ABHD12: variants seen among roughly 807,000 people sequenced by gnomAD.
The protein encoded by ABHD12 is lysophosphatidylserine lipase ABHD12.
A neutral mutation model predicts 58.3 loss-of-function variants in ABHD12; 43 were observed. The observed-to-expected ratio is 0.74, with a 90% CI of 0.58 to 0.95. The LOEUF is 0.95. Ranked by LOEUF, ABHD12 falls within the 40% of genes least tolerant of loss-of-function variation. The pLI, the probability that ABHD12 is intolerant of heterozygous loss-of-function variation, is 0.00. For synonymous variants in ABHD12, 219 were observed against 211.2 expected, an observed-to-expected ratio of 1.04 and a Z score of -0.32; for missense variants, 539 against 537.2, an observed-to-expected ratio of 1.00 and a Z score of -0.03.
At chr20:25,331,999 A>T (rs1367089029) in intron 2 of ABHD12, among the ~76,000 whole-genome samples, 1 of 152,208 alleles carries the variant, frequency 6.6e-6, no homozygotes, top group African/African-American at 2.4e-5. Context: ...CAATTAAAAG[A>T]CACAGACTGG....
downstream of ABHD12, chr20:25,296,777 A>G: frequency 2.0e-6 from 1 of 488,140 alleles, no homozygotes; most frequent in Non-Finnish European, 3.6e-6. Context: ...CTGCAGCTTC[A>G]GCACCTGCCC....
At chr20:25,329,207 G>C (rs1054656888) in intron 2 of ABHD12, among the ~76,000 whole-genome samples, 1 of 152,242 alleles carries the variant, frequency 6.6e-6, no homozygotes, top group East Asian at 1.9e-4. Context: ...ACAGGCCTGG[G>C]GTGGGGACAG....
At chr20:25,378,628 T>C (rs2089987125) in intron 1 of ABHD12, among the ~76,000 whole-genome samples, 1 of 152,072 alleles carries the variant, frequency 6.6e-6, no homozygotes, top group Admixed American at 6.6e-5. Context: ...TTACGAACAG[T>C]TCAGTCAATA....
intron 10 of ABHD12, 122 bp downstream of exon 10, chr20:25,306,711 A>G: frequency 1.4e-6 from 1 of 726,122 alleles, no homozygotes. Context: ...CCTGTTTGCT[A>G]GAGAATGACC....
In ABHD12 at chr20:25,303,621, G is replaced by GCTTCA; in HGVS notation, c.953_957dup (p.His320Ter). 1 of 1,613,680 alleles carries GCTTCA rather than the reference G, an allele frequency of 6.2e-7. No individual in the cohort carries two copies. The highest frequency in any genetic ancestry group is 2.2e-5 in the East Asian group (1 of 44,880). On this transcript the variant is annotated stop_gained and frameshift_variant, in exon 11 of 13. Transcript: ENST00000339157. LOFTEE classifies it high-confidence loss of function. ...AGGATGAGCAGGGGACAGGAGATGT[G>GCTTCA]CTTCACGCTGTAGGAGGGAGAAGGG...
intron 1 of ABHD12, among the ~76,000 whole-genome samples, chr20:25,357,683 A>C (rs998419972): frequency 1.3e-5 from 2 of 152,204 alleles, no homozygotes; most frequent in African/African-American, 4.8e-5. Context: ...CACAAATTTC[A>C]ATCTCACCCA....
At chr20:25,343,639 A>T (rs1465828341) in intron 1 of ABHD12, among the ~76,000 whole-genome samples, 1 of 152,176 alleles carries the variant, frequency 6.6e-6, no homozygotes, top group African/African-American at 2.4e-5. Flanking sequence ...TCCTGTCTCT[A>T]CTGAAAATAC....
intron 6 of ABHD12, among the ~76,000 whole-genome samples, chr20:25,311,447 C>G (rs1189488751): frequency 2.0e-5 from 3 of 152,216 alleles, no homozygotes; most frequent in African/African-American, 7.2e-5. Flanking sequence ...GCTGCAGATT[C>G]TGAATTTCTG....
intron 2 of ABHD12, among the ~76,000 whole-genome samples, chr20:25,327,399 A>T (rs562010623): frequency 1.3e-5 from 2 of 151,958 alleles, no homozygotes; most frequent in Admixed American, 1.3e-4. Context: ...CCCGGGAGTC[A>T]GAGATTGCAG....
intron 1 of ABHD12, among the ~76,000 whole-genome samples, chr20:25,347,951 C>T (rs972891252): frequency 6.6e-6 from 1 of 150,396 alleles, no homozygotes; most frequent in Non-Finnish European, 1.5e-5. Context: ...GGGTCTCACG[C>T]CTGGAATCCC....
In ABHD12 at chr20:25,295,038, AAAGG is replaced by A. The variant is rs763178800; in HGVS notation, c.1158-12_1158-9del. On this transcript the variant is annotated splice_polypyrimidine_tract_variant and intron_variant, in intron 12 of 12. Coordinates refer to the ABHD12 transcript ENST00000376542. ...CCTGGGCCCTGCTGAGGTCTGTGAT[AAAGG>A]AAGTGCTTTTAAAATTGTGAACTCT... 1.5e-5 allele frequency: 24 copies of A among 1,614,038 alleles called. No individual in the cohort carries two copies. In the South Asian group the frequency reaches 2.6e-4, roughly 18 times the overall value.
chr20:25,360,823 C>A (rs1458314739), intron 1 of ABHD12, among the ~76,000 whole-genome samples: 11 of 152,140 alleles, frequency 7.2e-5, no homozygotes, highest in Admixed American at 7.2e-4. Flanking sequence ...CAGGATCAGG[C>A]GGACAACTGG....
At chr20:25,321,976 A>G (rs1016089016) in intron 3 of ABHD12, among the ~76,000 whole-genome samples, 7 of 152,242 alleles carry the variant, frequency 4.6e-5, no homozygotes, top group African/African-American at 1.7e-4. Flanking sequence ...GAAGCTACTC[A>G]CAGCATTTCA....
chr20:25,386,545 C>A (rs2090093576), intron 1 of ABHD12, among the ~76,000 whole-genome samples: 1 of 151,662 alleles, frequency 6.6e-6, no homozygotes, highest in Non-Finnish European at 1.5e-5. Flanking sequence ...CAGGCGTGAG[C>A]CACCGAGCCC....
chr20:25,344,245 A>T (rs2089490532), intron 1 of ABHD12, among the ~76,000 whole-genome samples: 1 of 152,238 alleles, frequency 6.6e-6, no homozygotes, highest in Non-Finnish European at 1.5e-5. Context: ...GATAACAGGT[A>T]TAGAGACCCG....
chr20:25,334,091 A>C (rs1349450826), intron 2 of ABHD12, among the ~76,000 whole-genome samples: 10 of 151,936 alleles, frequency 6.6e-5, no homozygotes, highest in Admixed American at 6.5e-4. Flanking sequence ...CCTTAAGCTG[A>C]TAAGCAACTT....
Position 25,339,354 on chromosome 20 carries a change from G to C in ABHD12, c.192-3C>G. On this transcript the variant is annotated splice_region_variant and splice_polypyrimidine_tract_variant and intron_variant, in intron 1 of 12. Coordinates refer to ENST00000339157, the MANE Select transcript of ABHD12 (RefSeq NM_001042472.3). ...GGCGCAACCACACGCCCTTTCGCCT[G>C]CAAGAGAAAAGCAATGAATAGGTCA... The C allele has an allele frequency of 1.9e-6, 3 of 1,614,084 alleles. No individual in the cohort carries two copies. Among genetic ancestry groups the C allele is most frequent in the Non-Finnish European group, 2.5e-6 (3 of 1,179,996 alleles).
intron 5 of ABHD12, among the ~76,000 whole-genome samples, chr20:25,315,624 T>G (rs1206116825): frequency 6.6e-6 from 1 of 152,124 alleles, no homozygotes; most frequent in Non-Finnish European, 1.5e-5. Flanking sequence ...CAGCCTGCAC[T>G]TCCTTGCCAG....
intron 1 of ABHD12, among the ~76,000 whole-genome samples, chr20:25,342,103 CAAAAAAA>C (rs11476197): frequency 5.7e-5 from 4 of 69,804 alleles, no homozygotes; most frequent in African/African-American, 2.2e-4. Context: ...AACTCTGTCT[CAAAAAAA>C]AAAAAAAAAA....
Sources: gnomAD v4.1 joint callset for allele counts (sites outside exome capture counted in the v4.1 genomes callset) on GRCh38, gnomAD v4.1.1 for gene constraint, MANE v1.5 for transcripts, NCBI Gene and HGNC (gene_info 2026-07-23, HGNC 2026-07-21) for gene names.